The following MAP3K13 variants were observed in gnomAD, a reference collection of about 807,000 sequenced individuals.
The protein encoded by MAP3K13 is mitogen-activated protein kinase kinase kinase 13, also known as leucine zipper-bearing kinase.
In MAP3K13, 52 loss-of-function variants were observed where a neutral mutation model predicts 104.0. The ratio of observed to expected loss-of-function variants is 0.50; its 90% CI spans 0.40 to 0.63. The LOEUF (loss-of-function observed/expected upper bound fraction) is 0.63, where lower values mean the gene tolerates loss of function less well. Ranked by LOEUF, MAP3K13 falls within the 20% of genes least tolerant of loss-of-function variation. The pLI is 0.00. For missense variants in MAP3K13, 914 were observed against 1,218.5 expected (o/e 0.75, Z 3.72); for synonymous variants, 394 against 442.2 (o/e 0.89, Z 1.37).
At chr3:185,468,820 A>G (rs750591918) in intron 10 of MAP3K13, among the ~76,000 whole-genome samples, 1 of 152,178 alleles carries the variant, frequency 6.6e-6, no homozygotes, top group African/African-American at 2.4e-5. Flanking sequence ...GGAAATCCCA[A>G]CACCCCTTTT....
chr3:185,456,444 T>C (rs546439527), intron 7 of MAP3K13, among the ~76,000 whole-genome samples: 20 of 152,230 alleles, frequency 1.3e-4, no homozygotes, highest in African/African-American at 4.8e-4. Flanking sequence ...TTCAGATACA[T>C]GTAGGTATCG....
intron 2 of MAP3K13, among the ~76,000 whole-genome samples, chr3:185,434,429 G>A (rs751658046): frequency 6.6e-6 from 1 of 152,162 alleles, no homozygotes. Flanking sequence ...TATTGTGAGC[G>A]AAACTATCAA....
chr3:185,390,376 T>C (rs1560080091), intron 1 of MAP3K13, among the ~76,000 whole-genome samples: 1 of 152,182 alleles, frequency 6.6e-6, no homozygotes, highest in Non-Finnish European at 1.5e-5. Context: ...AGTTTCAGAC[T>C]GTCTGGCTTC....
At chr3:185,459,650 A>G (rs758276574) in intron 7 of MAP3K13, among the ~76,000 whole-genome samples, 1 of 151,920 alleles carries the variant, frequency 6.6e-6, no homozygotes, top group Non-Finnish European at 1.5e-5. Flanking sequence ...GGGTTTCACC[A>G]TGTTGGCCAA....
chr3:185,285,486 G>T, intron 1 of MAP3K13: 1 of 687,840 alleles, frequency 1.5e-6, no homozygotes, highest in South Asian at 1.9e-5. Context: ...GGTACCTTAG[G>T]TCTGTACATT....
chr3:185,421,167 TTTTTGTTTTG>T (rs568038152), intron 1 of MAP3K13, among the ~76,000 whole-genome samples: 2 of 152,008 alleles, frequency 1.3e-5, no homozygotes, highest in Admixed American at 6.6e-5. Context: ...TTCTTTTCTT[TTTTTGTTTTG>T]TTTTGTTTTG....
chr3:185,427,685 AG>A (rs1356443506), intron 1 of MAP3K13, among the ~76,000 whole-genome samples: 2 of 152,254 alleles, frequency 1.3e-5, no homozygotes, highest in Non-Finnish European at 2.9e-5. Context: ...CAAAGAGAAA[AG>A]ATGAGTAGCA....
chr3:185,470,732 G>C (rs1717725633), intron 10 of MAP3K13, among the ~76,000 whole-genome samples: 1 of 152,142 alleles, frequency 6.6e-6, no homozygotes, highest in Non-Finnish European at 1.5e-5. Context: ...AAAAAATACT[G>C]TAACATAACA....
At chr3:185,376,269 A>G (rs546117300) in intron 1 of MAP3K13, among the ~76,000 whole-genome samples, 1 of 152,300 alleles carries the variant, frequency 6.6e-6, no homozygotes, top group African/African-American at 2.4e-5. Context: ...ACAGCTGAAG[A>G]AGCCGGGGAG....
At chr3:185,478,692 C>T (rs1004401858) in intron 12 of MAP3K13, among the ~76,000 whole-genome samples, 2 of 151,646 alleles carry the variant, frequency 1.3e-5, no homozygotes, top group Admixed American at 6.6e-5. Flanking sequence ...GCCAACACGG[C>T]GAAACCCCGT....
In MAP3K13 at chr3:185,349,953, A is replaced by G. The variant is rs574128499; in HGVS notation, c.-86+64310A>G. ...AAAGAATGTCTATTGTTGGTTAGTC[A>G]GCACAAGGGAGACCCTGGGGCCAAA... On this transcript the variant is annotated intron_variant, in intron 2 of 14. Coordinates refer to the MAP3K13 transcript ENST00000424227. 3.3e-5 allele frequency among the ~76,000 whole-genome samples: 5 copies of G among 152,348 alleles called. No individual in the cohort carries two copies. In the South Asian group the frequency reaches 1.0e-3, roughly 32 times the overall value.
intron 2 of MAP3K13, among the ~76,000 whole-genome samples, chr3:185,347,010 CAG>C (rs1227719492): frequency 2.1e-5 from 2 of 93,548 alleles, no homozygotes; most frequent in Non-Finnish European, 3.7e-5. Context: ...TTTTTTTAGA[CAG>C]AGTCTCACTC....
At position 185,379,838 on chromosome 3, in the gene MAP3K13, C is replaced by T. The variant is rs764404117; in HGVS notation, c.-86+16470C>T. The stretch of plus-strand genomic sequence containing the variant: ...ATGAACCAGCTAAGGCTGTGGTTCT[C>T]AAAGTGTGGTCCGGGGACCAGGACC... On this transcript the variant is annotated intron_variant, in intron 1 of 13. Coordinates refer to ENST00000265026, the MANE Select transcript of MAP3K13 (RefSeq NM_004721.5). Among the ~76,000 whole-genome samples the T allele has an allele frequency of 1.3e-4, 20 of 152,310 alleles. No individual in the cohort carries two copies. In the Middle Eastern group the frequency reaches 0.01, roughly 78 times the overall value.
At chr3:185,323,623 G>A (rs1207337606) in intron 2 of MAP3K13, among the ~76,000 whole-genome samples, 3 of 152,100 alleles carry the variant, frequency 2.0e-5, no homozygotes, top group Non-Finnish European at 4.4e-5. Context: ...GTGAGCCACC[G>A]TGCCTGGCCA....
intron 1 of MAP3K13, among the ~76,000 whole-genome samples, chr3:185,417,173 C>T (rs1386367465): frequency 6.6e-6 from 1 of 150,796 alleles, no homozygotes; most frequent in Non-Finnish European, 1.5e-5. Flanking sequence ...GTTCATAGTT[C>T]CACATATTCT....
In MAP3K13 at chr3:185,483,579, C is replaced by A; in HGVS notation, c.*1123C>A. On this transcript the variant is annotated 3_prime_UTR_variant, in exon 14 of 14. Coordinates refer to ENST00000265026, the MANE Select transcript of MAP3K13 (RefSeq NM_004721.5). The stretch of plus-strand genomic sequence containing the variant: ...CCCTCTCTGGAGCCAGGTTGCTTGT[C>A]TACTTGAGTCATATTGATTCAAGCA... The A allele has an allele frequency of 4.5e-6, 1 of 223,702 alleles. No homozygotes were observed. The highest frequency in any genetic ancestry group is 8.9e-6 in the Non-Finnish European group (1 of 112,134). 13.9% of individuals were successfully genotyped at this position (223,702 alleles called of 1,614,324 possible).
At chr3:185,435,096 C>A (rs1002266903) in intron 2 of MAP3K13, among the ~76,000 whole-genome samples, 5 of 151,846 alleles carry the variant, frequency 3.3e-5, no homozygotes, top group Admixed American at 3.3e-4. Context: ...CTCTGCCTCC[C>A]GGGTTCAAGC....
chr3:185,392,402 A>G (rs1285306358), intron 1 of MAP3K13, among the ~76,000 whole-genome samples: 1 of 152,262 alleles, frequency 6.6e-6, no homozygotes, highest in Admixed American at 6.5e-5. Context: ...GGCTTGCTGA[A>G]GGAAGTGGTA....
intron 2 of MAP3K13, among the ~76,000 whole-genome samples, chr3:185,300,189 CTT>C (rs1273008667): frequency 3.2e-5 from 4 of 123,402 alleles, no homozygotes; most frequent in Non-Finnish European, 3.5e-5. Flanking sequence ...TCCTTCTTTT[CTT>C]TTTTTTTTTT....
Sources: gnomAD v4.1 joint callset for allele counts (sites outside exome capture counted in the v4.1 genomes callset) on GRCh38, gnomAD v4.1.1 for gene constraint, MANE v1.5 for transcripts, NCBI Gene and HGNC (gene_info 2026-07-23, HGNC 2026-07-21) for gene names.